Variants in SCMH1 observed in about 807,000 individuals in gnomAD.
SCMH1 encodes Scm polycomb group protein homolog 1, also known as polycomb protein SCMH1.
Under a neutral mutation model 70.8 loss-of-function variants are expected in SCMH1, and 37 were observed. The ratio of observed to expected loss-of-function variants is 0.52; its 90% CI spans 0.40 to 0.69. The LOEUF (loss-of-function observed/expected upper bound fraction) is 0.69. Ranked by LOEUF, SCMH1 falls within the 30% of genes least tolerant of loss-of-function variation. The pLI, the probability that SCMH1 is intolerant of heterozygous loss-of-function variation, is 0.00. For missense variants in SCMH1, 607 were observed against 827.3 expected, an observed-to-expected ratio of 0.73 and a Z score of 3.27; for synonymous variants, 292 against 307.4, an observed-to-expected ratio of 0.95 and a Z score of 0.52.
intron 1 of SCMH1, among the ~76,000 whole-genome samples, chr1:41,194,191 A>G (rs1652435151): frequency 6.6e-6 from 1 of 152,234 alleles, no homozygotes; most frequent in South Asian, 2.1e-4. Context: ...ATAATTTGTA[A>G]AAACTGCAGA....
At chr1:41,144,620 GA>G (rs1644388263) in intron 5 of SCMH1, among the ~76,000 whole-genome samples, 1 of 152,088 alleles carries the variant, frequency 6.6e-6, no homozygotes, top group South Asian at 2.1e-4. Context: ...ATATACTTAT[GA>G]GTGAAACTGC....
At chr1:41,151,555 TA>T in intron 5 of SCMH1, 58 bp downstream of exon 5, 3 of 1,425,474 alleles carry the variant, frequency 2.1e-6, no homozygotes, top group Non-Finnish European at 1.9e-6. Flanking sequence ...TTTGATTGTC[TA>T]AAAACCATAA....
intron 6 of SCMH1, among the ~76,000 whole-genome samples, chr1:41,130,531 G>A (rs1674400675): frequency 6.6e-6 from 1 of 152,040 alleles, no homozygotes; most frequent in Non-Finnish European, 1.5e-5. Context: ...GTTAATTTTT[G>A]TATATAGTGT....
intron 8 of SCMH1, among the ~76,000 whole-genome samples, chr1:41,101,262 G>A (rs906080819): frequency 2.6e-5 from 4 of 152,172 alleles, no homozygotes; most frequent in Non-Finnish European, 5.9e-5. Flanking sequence ...GCTCCTTTGG[G>A]AGGTTATAAT....
At chr1:41,160,432 T>C (rs542600530) in intron 4 of SCMH1, among the ~76,000 whole-genome samples, 2 of 152,348 alleles carry the variant, frequency 1.3e-5, no homozygotes, top group Non-Finnish European at 2.9e-5. Flanking sequence ...TATTTTAATA[T>C]TTCAGTTTTT....
At chr1:41,185,247 G>A (rs1162421429) in intron 2 of SCMH1, among the ~76,000 whole-genome samples, 1 of 152,170 alleles carries the variant, frequency 6.6e-6, no homozygotes, top group East Asian at 1.9e-4. Flanking sequence ...AAAACAACAA[G>A]GCACCCTCTC....
intron 6 of SCMH1, among the ~76,000 whole-genome samples, chr1:41,130,167 T>C (rs1671822299): frequency 6.6e-6 from 1 of 152,234 alleles, no homozygotes; most frequent in South Asian, 2.1e-4. Flanking sequence ...TGCTAATTTT[T>C]GAAATGGGTT....
chr1:41,151,722 C>A, intron 4 of SCMH1, 38 bp from the exon 5 acceptor site: 1 of 1,481,364 alleles, frequency 6.8e-7, no homozygotes, highest in South Asian at 1.2e-5. Flanking sequence ...CAGTCAACTT[C>A]CTAAAAAAAA....
intron 1 of SCMH1, among the ~76,000 whole-genome samples, chr1:41,208,941 A>C (rs61774685): frequency 0.15 from 22,681 of 152,156 alleles, 2,199 homozygotes; most frequent in Non-Finnish European, 0.21. Flanking sequence ...AAATCCAGGA[A>C]CTGGTTTTTT....
At chr1:41,213,479 C>T (rs988224283) in intron 1 of SCMH1, among the ~76,000 whole-genome samples, 2 of 152,130 alleles carry the variant, frequency 1.3e-5, no homozygotes, top group Non-Finnish European at 2.9e-5. Context: ...GGACATAAAA[C>T]CTTCCCAGGT....
intron 8 of SCMH1, among the ~76,000 whole-genome samples, chr1:41,085,427 C>G (rs983644484): frequency 1.3e-5 from 2 of 152,094 alleles, no homozygotes; most frequent in Non-Finnish European, 2.9e-5. Flanking sequence ...TGGAGAAACA[C>G]AAGAGGTATT....
intron 12 of SCMH1, chr1:41,043,973 A>C (rs1425236160): frequency 2.0e-5 from 3 of 151,978 alleles, no homozygotes; most frequent in Admixed American, 2.0e-4. Context: ...AAAAGTGGTA[A>C]AGATAGGCAA....
chr1:41,047,419 C>T (rs1017015506), intron 11 of SCMH1, among the ~76,000 whole-genome samples: 120 of 121,064 alleles, frequency 9.9e-4, no homozygotes, highest in Non-Finnish European at 1.7e-3. Context: ...TTTTTTGAGA[C>T]GGAGTCTTGC....
intron 6 of SCMH1, among the ~76,000 whole-genome samples, chr1:41,123,879 A>G (rs1170414633): frequency 6.6e-6 from 1 of 152,198 alleles, no homozygotes; most frequent in Non-Finnish European, 1.5e-5. Flanking sequence ...ATGCTCTTCC[A>G]GAGCAATGTT....
At chr1:41,070,649 T>A in exon 10 of SCMH1, 1 of 1,614,076 alleles carries the variant, frequency 6.2e-7, no homozygotes, top group Non-Finnish European at 8.5e-7. Flanking sequence ...TGGGGTACAG[T>A]GCTGGTATCC....
At position 41,028,583 on chromosome 1, in the gene SCMH1, C is replaced by T. The variant is rs1052942463; in HGVS notation, c.1821+1G>A. On this transcript the variant is annotated splice_donor_variant, in intron 14 of 14. Transcript: ENST00000337495. LOFTEE classifies it high-confidence loss of function. ...CTGAGAGGTCAGGCAGCAGCACCTACGTGTTTGCGAAACAGGTCAGCGTGG... is the reference window on the plus strand; with the variant it reads ...CTGAGAGGTCAGGCAGCAGCACCTATGTGTTTGCGAAACAGGTCAGCGTGG... The T allele has an allele frequency of 3.7e-6, 6 of 1,614,030 alleles. No homozygotes were observed. The highest frequency in any genetic ancestry group is 5.1e-6 in the Non-Finnish European group (6 of 1,180,034).
At chr1:41,123,564 A>C (rs111820682) in intron 6 of SCMH1, among the ~76,000 whole-genome samples, 3 of 152,220 alleles carry the variant, frequency 2.0e-5, no homozygotes, top group African/African-American at 7.2e-5. Flanking sequence ...TCTGAAGTTA[A>C]GGCCTAGACC....
intron 5 of SCMH1, among the ~76,000 whole-genome samples, chr1:41,148,227 TTA>T (rs764607916): frequency 6.6e-6 from 1 of 152,334 alleles, no homozygotes; most frequent in Admixed American, 6.5e-5. Context: ...TCCATTTTAC[TTA>T]TATGTTATCA....
Position 41,113,345 on chromosome 1 carries a change from T to C in SCMH1, c.683A>G (p.Asp228Gly). ...GGAACACCAGCCCACAGGGAAGATGTCTCGGGAGTCGAAGCGGCACCAGTA... is the reference window on the plus strand; with the variant it reads ...GGAACACCAGCCCACAGGGAAGATGCCTCGGGAGTCGAAGCGGCACCAGTA... Residue 228 changes from aspartate to glycine, a missense_variant, in exon 8 of 15, where the codon GAC becomes GGC. Physicochemically the swap from Asp to Gly is moderately conservative, Grantham distance 94. This residue lies in a region of SCMH1 where 105 missense variants were observed against 214.5 expected (regional missense o/e 0.49). Transcript: ENST00000337495. This position sits in a 1 kb window ranked among gnomAD's most constrained non-coding sequence, Gnocchi z 4.3. 6.2e-7 allele frequency: 1 copy of C among 1,613,904 alleles called. No individual in the cohort carries two copies. The highest frequency in any genetic ancestry group is 8.5e-7 in the Non-Finnish European group (1 of 1,179,948).
Sources: gnomAD v4.1 joint callset for allele counts (sites outside exome capture counted in the v4.1 genomes callset) on GRCh38, gnomAD v4.1.1 for gene constraint, gnomAD v4.1.1 regional missense constraint, Gnocchi (gnomAD v3.1) non-coding constraint, MANE v1.5 for transcripts, NCBI Gene and HGNC (gene_info 2026-07-23, HGNC 2026-07-21) for gene names.